The following SCLT1 variants were observed in gnomAD, a reference collection of about 807,000 sequenced individuals.
SCLT1 encodes sodium channel and clathrin linker 1.
A neutral mutation model predicts 112.8 loss-of-function variants in SCLT1; 78 were observed. The observed-to-expected ratio is 0.69, with a 90% confidence interval of 0.58 to 0.83. The LOEUF (loss-of-function observed/expected upper bound fraction) is 0.83. Ranked by LOEUF, SCLT1 falls within the 40% of genes least tolerant of loss-of-function variation. The pLI, the probability that SCLT1 is intolerant of heterozygous loss-of-function variation, is 0.00. For synonymous variants in SCLT1, 257 were observed against 254.7 expected (o/e 1.01, Z -0.09); for missense variants, 747 against 770.4 (o/e 0.97, Z 0.36).
At chr4:128,923,438 C>G (rs1736032907) in intron 18 of SCLT1, among the ~76,000 whole-genome samples, 1 of 109,796 alleles carries the variant, frequency 9.1e-6, no homozygotes, top group Non-Finnish European at 1.9e-5. Flanking sequence ...GAGTGAGACT[C>G]CATCTCAAAA....
At chr4:129,060,832 G>A (rs1265326144) in intron 2 of SCLT1, among the ~76,000 whole-genome samples, 1 of 152,146 alleles carries the variant, frequency 6.6e-6, no homozygotes, top group Non-Finnish European at 1.5e-5. Flanking sequence ...TGGCTGTGGG[G>A]TGAGATCTTA....
intron 18 of SCLT1, among the ~76,000 whole-genome samples, chr4:128,926,739 TA>T (rs1560848616): frequency 6.6e-6 from 1 of 151,754 alleles, no homozygotes; most frequent in Non-Finnish European, 1.5e-5. Context: ...TTACTGTTCA[TA>T]TATAGTTTGT....
intron 19 of SCLT1, among the ~76,000 whole-genome samples, chr4:128,889,188 C>G (rs1696122098): frequency 6.6e-6 from 1 of 152,132 alleles, no homozygotes; most frequent in Non-Finnish European, 1.5e-5. Context: ...CTATTAGGGT[C>G]AAAAGAGCTA....
At chr4:128,993,014 T>C (rs906496951) in intron 8 of SCLT1, among the ~76,000 whole-genome samples, 1 of 152,006 alleles carries the variant, frequency 6.6e-6, no homozygotes, top group Non-Finnish European at 1.5e-5. Context: ...TGTCCCAACA[T>C]ACCATGCTTA....
chr4:129,000,720 G>C (rs1467853887), intron 6 of SCLT1, among the ~76,000 whole-genome samples: 8 of 151,612 alleles, frequency 5.3e-5, no homozygotes, highest in Admixed American at 1.3e-4. Context: ...AAAACATAAG[G>C]CACCTTGGAG....
chr4:128,896,052 G>A (rs1031142847), intron 18 of SCLT1, among the ~76,000 whole-genome samples: 7 of 152,212 alleles, frequency 4.6e-5, no homozygotes, highest in African/African-American at 1.7e-4. Flanking sequence ...GCTCAAACTG[G>A]GTGGAGCCCA....
chr4:128,967,119 C>T (rs113296630), intron 10 of SCLT1, among the ~76,000 whole-genome samples: 12 of 152,188 alleles, frequency 7.9e-5, no homozygotes, highest in Admixed American at 3.9e-4. Flanking sequence ...TTTGGTTTTC[C>T]GTTCCTGAGT....
chr4:128,888,256 C>T (rs1208259269), intron 20 of SCLT1, among the ~76,000 whole-genome samples: 10 of 151,178 alleles, frequency 6.6e-5, no homozygotes, highest in East Asian at 3.9e-4. Context: ...TCACTCTGTC[C>T]GCCAGGCTGG....
chr4:128,986,491 T>C (rs1742106108), intron 9 of SCLT1, among the ~76,000 whole-genome samples: 2 of 152,126 alleles, frequency 1.3e-5, no homozygotes, highest in South Asian at 4.1e-4. Flanking sequence ...TGACCAGCAG[T>C]GGCAGCCAAA....
intron 2 of SCLT1, among the ~76,000 whole-genome samples, chr4:129,052,151 T>C (rs1171652973): frequency 1.3e-5 from 2 of 152,244 alleles, no homozygotes; most frequent in East Asian, 1.9e-4. Flanking sequence ...GAATTTCACA[T>C]TGATGTTCAT....
At chr4:129,057,409 C>CTTTTTTT in intron 2 of SCLT1, among the ~76,000 whole-genome samples, 1 of 132,604 alleles carries the variant, frequency 7.5e-6, no homozygotes, top group Non-Finnish European at 1.6e-5. Context: ...TAATATTATT[C>CTTTTTTT]TTTTTTTTTT....
At chr4:128,949,857 T>TG (rs1016751572) in intron 14 of SCLT1, among the ~76,000 whole-genome samples, 2 of 151,562 alleles carry the variant, frequency 1.3e-5, no homozygotes, top group African/African-American at 4.9e-5. Context: ...TTTTTTTTTT[T>TG]TCCCCTAATT....
chr4:128,935,692 T>A (rs10010659), intron 18 of SCLT1, among the ~76,000 whole-genome samples: 36,219 of 151,882 alleles, frequency 0.24, 5,502 homozygotes, highest in African/African-American at 0.43. Context: ...TTATTTTTGA[T>A]TTTTACTATT....
intron 14 of SCLT1, among the ~76,000 whole-genome samples, chr4:128,951,781 C>T (rs1458354489): frequency 1.3e-5 from 2 of 152,144 alleles, no homozygotes; most frequent in African/African-American, 4.8e-5. Flanking sequence ...ACTAATTTTA[C>T]TTGATGTTCC....
chr4:128,987,176 G>A (rs1742172291), intron 9 of SCLT1, among the ~76,000 whole-genome samples: 1 of 152,118 alleles, frequency 6.6e-6, no homozygotes, highest in Admixed American at 6.5e-5. Flanking sequence ...GCAGGCTTAG[G>A]CCAAAACACT....
At chr4:128,890,197 G>A (rs1187974586) in intron 19 of SCLT1, among the ~76,000 whole-genome samples, 1 of 152,134 alleles carries the variant, frequency 6.6e-6, no homozygotes, top group Non-Finnish European at 1.5e-5. Context: ...CTACCATAAT[G>A]GTTGAGGAAC....
chr4:128,966,926 C>T (rs11726460), intron 10 of SCLT1, among the ~76,000 whole-genome samples: 13,101 of 150,244 alleles, frequency 0.087, 729 homozygotes, highest in South Asian at 0.15. Flanking sequence ...AATTGTGTAT[C>T]GGGGGTTTGG....
At chr4:128,942,148 C>A (rs1737749105) in intron 17 of SCLT1, among the ~76,000 whole-genome samples, 1 of 152,044 alleles carries the variant, frequency 6.6e-6, no homozygotes, top group East Asian at 1.9e-4. Flanking sequence ...TTAAATAAGA[C>A]TCTCTTTTTC....
chr4:129,031,370 A>C (rs1381615944), intron 5 of SCLT1, among the ~76,000 whole-genome samples: 3 of 152,128 alleles, frequency 2.0e-5, no homozygotes, highest in African/African-American at 7.2e-5. Context: ...GAATGGGCAA[A>C]AGCTGAAAGC....
Sources: gnomAD v4.1 joint callset for allele counts (sites outside exome capture counted in the v4.1 genomes callset) on GRCh38, gnomAD v4.1.1 for gene constraint, MANE v1.5 for transcripts, NCBI Gene and HGNC (gene_info 2026-07-23, HGNC 2026-07-21) for gene names.